The following KIF6 variants were observed in gnomAD, a reference collection of about 807,000 sequenced individuals.
KIF6 encodes the protein kinesin family member 6.
In KIF6, 106 loss-of-function variants were observed where a neutral mutation model predicts 112.7. That is an observed-to-expected ratio of 0.94 (90% confidence interval 0.80 to 1.11). The LOEUF is 1.11. KIF6 is among the 50% of genes least tolerant of loss of function. The probability of loss-of-function intolerance (pLI) is 0.00; values close to 1 mark genes in which losing one functional copy is unlikely to be tolerated. For synonymous variants in KIF6, 339 were observed against 339.9 expected (o/e 1.00, Z 0.03); for missense variants, 929 against 964.0 (o/e 0.96, Z 0.48).
At chr6:39,474,070 T>C (rs1024822397) in intron 13 of KIF6, among the ~76,000 whole-genome samples, 3 of 152,206 alleles carry the variant, frequency 2.0e-5, no homozygotes, top group Non-Finnish European at 4.4e-5. Flanking sequence ...TCCATGTGAC[T>C]GTGTAGAAAA....
At chr6:39,685,598 G>A (rs1468845680) in intron 3 of KIF6, among the ~76,000 whole-genome samples, 1 of 152,244 alleles carries the variant, frequency 6.6e-6, no homozygotes, top group Non-Finnish European at 1.5e-5. Flanking sequence ...AGTCTATAGT[G>A]AGTTCAATCA....
chr6:39,581,494 G>A (rs1781294265), intron 9 of KIF6, among the ~76,000 whole-genome samples: 1 of 152,062 alleles, frequency 6.6e-6, no homozygotes, highest in Admixed American at 6.5e-5. Flanking sequence ...CTTGGGGATT[G>A]TCAGACTAAA....
chr6:39,413,646 C>A (rs1303659086), intron 15 of KIF6, among the ~76,000 whole-genome samples: 1 of 152,032 alleles, frequency 6.6e-6, no homozygotes, highest in Non-Finnish European at 1.5e-5. Context: ...TTGGAGTTGC[C>A]AGGGGCATCT....
At chr6:39,672,287 C>T (rs1024451267) in intron 3 of KIF6, among the ~76,000 whole-genome samples, 1 of 152,088 alleles carries the variant, frequency 6.6e-6, no homozygotes, top group Non-Finnish European at 1.5e-5. Flanking sequence ...CAGCTAGAAA[C>T]TTAACTCTTG....
At chr6:39,591,931 T>C in intron 7 of KIF6, among the ~76,000 whole-genome samples, 1 of 152,064 alleles carries the variant, frequency 6.6e-6, no homozygotes, top group Non-Finnish European at 1.5e-5. Context: ...GCTAACATGG[T>C]GAAACCCCAT....
intron 10 of KIF6, among the ~76,000 whole-genome samples, chr6:39,552,101 G>A (rs1450803494): frequency 1.3e-5 from 2 of 152,176 alleles, no homozygotes; most frequent in African/African-American, 4.8e-5. Flanking sequence ...AAGGCAACTG[G>A]TTATTGAATG....
intron 13 of KIF6, among the ~76,000 whole-genome samples, chr6:39,510,255 G>C (rs1175843654): frequency 1.3e-5 from 2 of 151,910 alleles, no homozygotes; most frequent in South Asian, 4.2e-4. Flanking sequence ...ACCACGCCTG[G>C]CTCATTTTTT....
At position 39,540,202 on chromosome 6, in the gene KIF6, T is replaced by A. The variant is rs973138252; in HGVS notation, c.1446A>T (p.Leu482Phe). The change falls in exon 13 of 23, where the codon TTA becomes TTT. Residue 482 changes from leucine (L) to phenylalanine (F), a missense_variant. Around this residue, in one of 2 missense-constraint regions of KIF6, gnomAD observed 688 missense variants for 662.7 expected, o/e 1.04. Coordinates refer to ENST00000287152, the MANE Select transcript of KIF6 (RefSeq NM_145027.6). ...DNEINILVNMLKKEKKKAQEA... is the reference protein window; with the variant it reads ...DNEINILVNMFKKEKKKAQEA... The stretch of plus-strand genomic sequence containing the variant: ...CCTGAGCTTTCTTCTTTTCTTTTTT[T>A]AACATGTTGACCAGGATATCTGAAA... 5.0e-6 allele frequency: 8 copies of A among 1,610,056 alleles called. No homozygotes were observed. In the African/African-American group the frequency reaches 9.4e-5, roughly 19 times the overall value.
chr6:39,512,519 C>T (rs1389335889), intron 13 of KIF6, among the ~76,000 whole-genome samples: 5 of 152,212 alleles, frequency 3.3e-5, no homozygotes, highest in African/African-American at 9.6e-5. Context: ...GCTAGTCTTG[C>T]TCCTCCCAAG....
chr6:39,382,461 C>T (rs924870043), intron 16 of KIF6, among the ~76,000 whole-genome samples: 1 of 152,118 alleles, frequency 6.6e-6, no homozygotes, highest in Non-Finnish European at 1.5e-5. Flanking sequence ...GGGATAATGG[C>T]CTGCAGCTGT....
intron 16 of KIF6, among the ~76,000 whole-genome samples, chr6:39,377,537 CA>C (rs910905669): frequency 2.6e-4 from 39 of 152,242 alleles, no homozygotes; most frequent in Non-Finnish European, 4.6e-4. Flanking sequence ...TGCAGAACTG[CA>C]AAAAGCATTT....
intron 13 of KIF6, among the ~76,000 whole-genome samples, chr6:39,470,757 A>G (rs1774077198): frequency 6.8e-6 from 1 of 146,428 alleles, no homozygotes; most frequent in Non-Finnish European, 1.5e-5. Context: ...CTGTCAGGCC[A>G]GAAAAAGACC....
chr6:39,523,298 C>T (rs544742329), intron 13 of KIF6, among the ~76,000 whole-genome samples: 1 of 152,236 alleles, frequency 6.6e-6, no homozygotes, highest in African/African-American at 2.4e-5. Context: ...TGTCTACCTT[C>T]CCTCCAGTAT....
At chr6:39,344,629 C>T (rs1763570677) in intron 21 of KIF6, among the ~76,000 whole-genome samples, 2 of 152,186 alleles carry the variant, frequency 1.3e-5, no homozygotes, top group Middle Eastern at 3.4e-3. Flanking sequence ...CTTCTCTATC[C>T]TCTTACCACC....
intron 12 of KIF6, among the ~76,000 whole-genome samples, chr6:39,541,926 A>G (rs1414359755): frequency 6.6e-6 from 1 of 152,168 alleles, no homozygotes; most frequent in Non-Finnish European, 1.5e-5. Flanking sequence ...AATGCACAGG[A>G]CAGCTCCTGA....
intron 10 of KIF6, among the ~76,000 whole-genome samples, chr6:39,557,150 A>C (rs1779748058): frequency 6.6e-6 from 1 of 152,110 alleles, no homozygotes; most frequent in Admixed American, 6.5e-5. Flanking sequence ...GACATATTAA[A>C]AGGATTTTGT....
At chr6:39,424,567 C>T (rs1205276313) in intron 14 of KIF6, among the ~76,000 whole-genome samples, 2 of 152,190 alleles carry the variant, frequency 1.3e-5, no homozygotes, top group African/African-American at 2.4e-5. Context: ...AAGTGAGGAG[C>T]GCTAGACTGG....
chr6:39,667,165 T>A (rs111683693), intron 3 of KIF6, among the ~76,000 whole-genome samples: 11,999 of 152,022 alleles, frequency 0.079, 505 homozygotes, highest in Middle Eastern at 0.11. Context: ...TGAGAGAGGA[T>A]TTATTAGGGG....
At chr6:39,622,210 T>G (rs1184187125) in intron 5 of KIF6, among the ~76,000 whole-genome samples, 1 of 151,948 alleles carries the variant, frequency 6.6e-6, no homozygotes, top group Non-Finnish European at 1.5e-5. Context: ...TATTTCCAAC[T>G]GTTTTTTAAC....
Sources: gnomAD v4.1 joint callset for allele counts (sites outside exome capture counted in the v4.1 genomes callset) on GRCh38, gnomAD v4.1.1 for gene constraint, gnomAD v4.1.1 regional missense constraint, MANE v1.5 for transcripts, NCBI Gene and HGNC (gene_info 2026-07-23, HGNC 2026-07-21) for gene names.